Variants in PDE6B observed in about 807,000 individuals in gnomAD.
PDE6B encodes the protein phosphodiesterase 6B.
PDE6B carries 106 observed loss-of-function variants against 109.0 expected under a neutral mutation model. The ratio of observed to expected loss-of-function variants is 0.97; its 90% CI spans 0.83 to 1.14. The LOEUF is 1.14. PDE6B is among the 50% of genes most tolerant of loss of function. The pLI is 0.00. For synonymous variants in PDE6B, 490 were observed against 471.3 expected, an observed-to-expected ratio of 1.04 and a Z score of -0.51; for missense variants, 1,193 against 1,155.6, an observed-to-expected ratio of 1.03 and a Z score of -0.47.
At chr4:661,884 A>G in intron 12 of PDE6B, 1 of 537,534 alleles carries the variant, frequency 1.9e-6, no homozygotes, top group Non-Finnish European at 3.4e-6. Context: ...CGGCCCCTGA[A>G]GGCTGGGGCT....
In PDE6B at chr4:630,842, G is replaced by A. The variant is rs115978294; in HGVS notation, c.469-3835G>A. Reference sequence around the variant, plus strand: ...GAGGCTGCAGTCACAAAGCCTCAGCGTGAAGGTCTCAGTGCTGGGACCAAG... The same window carrying A: ...GAGGCTGCAGTCACAAAGCCTCAGCATGAAGGTCTCAGTGCTGGGACCAAG... On this transcript the variant is annotated intron_variant, in intron 1 of 21. Transcript: ENST00000496514. Among the ~76,000 whole-genome samples, 46 of 152,350 alleles carry A rather than the reference G, an allele frequency of 3.0e-4. 1 individual carries two copies. The highest frequency in any genetic ancestry group is 8.8e-5 in the Non-Finnish European group (6 of 68,030).
chr4:630,663 G>A (rs1033743513), intron 1 of PDE6B, among the ~76,000 whole-genome samples: 1 of 152,220 alleles, frequency 6.6e-6, no homozygotes, highest in African/African-American at 2.4e-5. Flanking sequence ...AAGGAGGAAC[G>A]AGGGGCAACC....
chr4:660,113 G>A (rs1560129183), intron 11 of PDE6B, among the ~76,000 whole-genome samples: 1 of 152,254 alleles, frequency 6.6e-6, no homozygotes, highest in East Asian at 1.9e-4. Flanking sequence ...GTATTCATGG[G>A]AGTGGCCGTG....
chr4:653,068 C>T (rs1735726470), intron 3 of PDE6B: 1 of 486,150 alleles, frequency 2.1e-6, no homozygotes, highest in Non-Finnish European at 2.7e-6. Flanking sequence ...AAGCTACGAA[C>T]ATCTCACTGC....
chr4:637,638 G>T (rs769718556), intron 3 of PDE6B, among the ~76,000 whole-genome samples: 1 of 152,206 alleles, frequency 6.6e-6, no homozygotes, highest in African/African-American at 2.4e-5. Flanking sequence ...AACAGGAGCC[G>T]CGGCCTGGGG....
intron 10 of PDE6B, among the ~76,000 whole-genome samples, 160 bp from the exon 11 acceptor site, chr4:658,792 G>A (rs556081812): frequency 4.6e-5 from 7 of 152,290 alleles, no homozygotes; most frequent in Non-Finnish European, 7.4e-5. Flanking sequence ...CCATGCACAC[G>A]GTCATTTGTC....
At position 654,128 on chromosome 4, in the gene PDE6B, T is replaced by C. The variant is rs1446047065; in HGVS notation, c.901T>C (p.Ser301Pro). The change falls in exon 5 of 22, where the codon TCG becomes CCG. Residue 301 changes from serine to proline, a missense_variant. Transcript: ENST00000496514. ...SVLMGESQPY[S>P]GPRTPDGREI... ...GCTGATGGGAGAGTCCCAGCCGTAC[T>C]CGGGCCCACGCACGCCTGATGGCCG... is the stretch of plus-strand genomic sequence containing the variant. The C allele has an allele frequency of 6.2e-7, 1 of 1,613,850 alleles. No individual in the cohort carries two copies.
At position 665,259 on chromosome 4, in the gene PDE6B, C is replaced by T. The variant is rs749898070; in HGVS notation, c.2198C>T (p.Ala733Val). The change falls in exon 19 of 22, where the codon GCA becomes GTA. Residue 733 changes from alanine (A) to valine (V), a missense_variant. Transcript: ENST00000496514. The surrounding 1 kb of genome is among the most constrained non-coding windows in gnomAD (Gnocchi z 4.0). ...GCTGCCTTCCTGTGCCTCCAGGTCG[C>T]ACTTCTCGTGGCTGCTGAGTTCTGG... ...TKPWEVQSKV[A>V]LLVAAEFWEQ... The T allele has an allele frequency of 3.7e-6, 6 of 1,611,582 alleles. No homozygotes were observed. Among genetic ancestry groups the T allele is most frequent in the South Asian group, 3.3e-5 (3 of 91,042 alleles).
At chr4:669,525 TC>T (rs1738241858) in intron 21 of PDE6B, among the ~76,000 whole-genome samples, 1 of 98,548 alleles carries the variant, frequency 1.0e-5, no homozygotes, top group Non-Finnish European at 2.0e-5. Flanking sequence ...CCCATGCTAT[TC>T]CCGCTACCCC....
chr4:647,610 C>T (rs1310963711), intron 3 of PDE6B, among the ~76,000 whole-genome samples: 2 of 152,008 alleles, frequency 1.3e-5, no homozygotes, highest in Admixed American at 6.5e-5. Flanking sequence ...CATAAGGGCA[C>T]GTCTCGTAGG....
intron 3 of PDE6B, among the ~76,000 whole-genome samples, chr4:638,552 A>C (rs184907240): frequency 8.3e-4 from 126 of 152,276 alleles, no homozygotes; most frequent in African/African-American, 3.0e-3. Flanking sequence ...CGAACTCCTG[A>C]CCTCAAATGA....
rs1442579564 is a variant in PDE6B at position 633,409 on chromosome 4, G to C, written c.469-1268G>C. Among the ~76,000 whole-genome samples, 11 of 152,226 alleles carry C rather than the reference G, an allele frequency of 7.2e-5. No individual in the cohort carries two copies. Among genetic ancestry groups the C allele is most frequent in the Non-Finnish European group, 1.6e-4 (11 of 68,038 alleles). On this transcript the variant is annotated intron_variant, in intron 1 of 21. Coordinates refer to ENST00000496514, the MANE Select transcript of PDE6B (RefSeq NM_000283.4). The surrounding 1 kb of genome is among the most constrained non-coding windows in gnomAD (Gnocchi z 4.5). Reference sequence around the variant, plus strand: ...ATCTCCAAGAATCAGGAAATGAGGAGCAGGAAGGGTGGGTGCCATTTAGGA... The same window carrying C: ...ATCTCCAAGAATCAGGAAATGAGGACCAGGAAGGGTGGGTGCCATTTAGGA...
rs183506872 is a variant in PDE6B, at chr4:666,347, G to T, written c.2269-184G>T. On this transcript the variant is annotated intron_variant, in intron 19 of 21. Coordinates refer to ENST00000496514, the MANE Select transcript of PDE6B (RefSeq NM_000283.4). This position sits in a 1 kb window ranked among gnomAD's most constrained non-coding sequence, Gnocchi z 5.6. ...AAGCTGCCCACAGTTCCTAGGAGCT[G>T]TGGAGCCGCTGGCCAAGGGAGAGGG... is the stretch of plus-strand genomic sequence containing the variant. Among the ~76,000 whole-genome samples, 282 of 152,312 alleles carry T rather than the reference G, an allele frequency of 1.9e-3. No individual in the cohort carries two copies. The highest frequency in any genetic ancestry group is 6.4e-3 in the African/African-American group (267 of 41,566).
chr4:662,619 G>C lies in PDE6B; in HGVS notation c.1832+1G>C, dbSNP rs370758397. Reference sequence around the variant, plus strand: ...GCACCAACAACCTGTACCAGATGAAGTAGGCACCTCAGGGCGGGCATGTGA... The same window carrying C: ...GCACCAACAACCTGTACCAGATGAACTAGGCACCTCAGGGCGGGCATGTGA... On this transcript the variant is annotated splice_donor_variant, in intron 14 of 21. Coordinates refer to ENST00000496514, the MANE Select transcript of PDE6B (RefSeq NM_000283.4). LOFTEE classifies it high-confidence loss of function. The surrounding 1 kb of genome is among the most constrained non-coding windows in gnomAD (Gnocchi z 4.3). 1 of 1,576,192 alleles carries C rather than the reference G, an allele frequency of 6.3e-7. No homozygotes were observed. Among genetic ancestry groups the C allele is most frequent in the Admixed American group, 1.7e-5 (1 of 59,982 alleles).
intron 3 of PDE6B, among the ~76,000 whole-genome samples, chr4:647,825 C>G: frequency 6.6e-6 from 1 of 152,012 alleles, no homozygotes; most frequent in Admixed American, 6.6e-5. Context: ...GTAATCCCAG[C>G]ACTTTGGGAG....
rs1577291167 is a variant in PDE6B at position 659,878 on chromosome 4, G to T, written c.1468-589G>T. On this transcript the variant is annotated intron_variant, in intron 11 of 21. Transcript: ENST00000496514. The stretch of plus-strand genomic sequence containing the variant: ...GTGGTGTCCCCATCACCCTGTGTCT[G>T]CCTATGCAATTTAGCCAGAATCTCC... 2.6e-5 allele frequency among the ~76,000 whole-genome samples: 4 copies of T among 152,330 alleles called. No individual in the cohort carries two copies. The South Asian group carries it at 8.3e-4, about 32-fold the overall frequency.
chr4:643,976 T>C (rs1577255343), intron 3 of PDE6B, among the ~76,000 whole-genome samples: 1 of 143,630 alleles, frequency 7.0e-6, no homozygotes, highest in Non-Finnish European at 1.5e-5. Flanking sequence ...TGGAGTGCAG[T>C]GGTGGGATCT....
At position 654,999 on chromosome 4, in the gene PDE6B, A is replaced by C. The variant is rs576577323; in HGVS notation, c.992+111A>C. ...GGCTTCCCACGGTGCAGTCAGCAGC[A>C]CCGGCCTGGCCTGGCCCCACCTGTG... On this transcript the variant is annotated intron_variant, in intron 6 of 21. Transcript: ENST00000496514. 6 of 786,622 alleles carry C rather than the reference A, an allele frequency of 7.6e-6. No homozygotes were observed. The South Asian group carries it at 8.2e-5, about 11-fold the overall frequency. 48.7% of individuals were successfully genotyped at this position (786,622 alleles called of 1,614,324 possible).
rs563714346 is a variant in PDE6B at position 655,527 on chromosome 4, G to A, written c.993-413G>A. Reference sequence around the variant, plus strand: ...AGCAGGCTGAAGCCATACGGCCTCCGGAGAGGGAGGGGTTCCCAAGAGGGA... The same window carrying A: ...AGCAGGCTGAAGCCATACGGCCTCCAGAGAGGGAGGGGTTCCCAAGAGGGA... On this transcript the variant is annotated intron_variant, in intron 6 of 21. Coordinates refer to ENST00000496514, the MANE Select transcript of PDE6B (RefSeq NM_000283.4). 90 of 353,674 alleles carry A rather than the reference G, an allele frequency of 2.5e-4. 1 individual carries two copies. The Admixed American group carries it at 3.5e-3, about 14-fold the overall frequency. The allele number at this position is 353,674 out of a possible 1,614,324, so 21.9% of individuals were successfully genotyped here. A position where few individuals can be genotyped will look rare whatever the true frequency, so the allele number is the denominator to read the frequency against.
Sources: gnomAD v4.1 joint callset for allele counts (sites outside exome capture counted in the v4.1 genomes callset) on GRCh38, gnomAD v4.1.1 for gene constraint, Gnocchi (gnomAD v3.1) non-coding constraint, MANE v1.5 for transcripts, NCBI Gene and HGNC (gene_info 2026-07-23, HGNC 2026-07-21) for gene names.